The following MGAT4C variants were observed in gnomAD, a reference collection of about 807,000 sequenced individuals.
The protein encoded by MGAT4C is MGAT4 family member C.
A neutral mutation model predicts 40.1 loss-of-function variants in MGAT4C; 19 were observed. The ratio of observed to expected loss-of-function variants is 0.47; its 90% CI spans 0.33 to 0.70. The LOEUF (loss-of-function observed/expected upper bound fraction) is 0.70. Among genes scored for constraint, MGAT4C ranks in the 30% least tolerant of loss-of-function variants. MGAT4C has a pLI of 0.02. For synonymous variants in MGAT4C, 181 were observed against 187.1 expected, an observed-to-expected ratio of 0.97 and a Z score of 0.27; for missense variants, 491 against 563.2, an observed-to-expected ratio of 0.87 and a Z score of 1.30.
chr12:86,808,235 T>A (rs1449325678), intron 1 of MGAT4C, among the ~76,000 whole-genome samples: 1 of 152,074 alleles, frequency 6.6e-6, no homozygotes, highest in Non-Finnish European at 1.5e-5. Flanking sequence ...CTGAAACTAT[T>A]CCAAGCAATT....
chr12:86,754,929 T>C (rs1951276797), intron 1 of MGAT4C, among the ~76,000 whole-genome samples: 1 of 152,112 alleles, frequency 6.6e-6, no homozygotes, highest in South Asian at 2.1e-4. Flanking sequence ...CAGACTTTAG[T>C]TTTTAATTCA....
intron 2 of MGAT4C, among the ~76,000 whole-genome samples, chr12:86,714,460 C>T (rs975834696): frequency 1.1e-4 from 17 of 151,950 alleles, no homozygotes; most frequent in East Asian, 1.9e-4. Context: ...GGGAGGGACC[C>T]GGTGGGAGAT....
intron 3 of MGAT4C, among the ~76,000 whole-genome samples, chr12:86,405,294 C>T (rs189391061): frequency 2.9e-4 from 44 of 151,908 alleles, no homozygotes; most frequent in African/African-American, 1.0e-3. Context: ...TAAGTGAGTA[C>T]AGAACAGTCA....
intron 1 of MGAT4C, among the ~76,000 whole-genome samples, chr12:86,815,858 G>C (rs12821982): frequency 0.1 from 14,208 of 138,860 alleles, 940 homozygotes; most frequent in Non-Finnish European, 0.14. Context: ...GAAGAGTGGT[G>C]GGGGGGCAAG....
chr12:86,524,289 T>C (rs772218705), intron 2 of MGAT4C, among the ~76,000 whole-genome samples: 21 of 152,230 alleles, frequency 1.4e-4, no homozygotes, highest in Non-Finnish European at 2.4e-4. Context: ...GGTCTGGTGC[T>C]AACAAATGTC....
intron 1 of MGAT4C, among the ~76,000 whole-genome samples, chr12:86,810,501 T>A (rs1475761501): frequency 3.9e-5 from 6 of 151,964 alleles, no homozygotes; most frequent in Admixed American, 3.9e-4. Flanking sequence ...GTTGAGGTAA[T>A]TCCCTTGTAT....
intron 2 of MGAT4C, among the ~76,000 whole-genome samples, chr12:86,523,918 TTC>T (rs1033394508): frequency 2.6e-5 from 4 of 152,316 alleles, no homozygotes; most frequent in Non-Finnish European, 5.9e-5. Flanking sequence ...CCCTGCTTTC[TTC>T]TGTTTTCATT....
At chr12:86,144,275 A>T (rs776455777) in intron 1 of MGAT4C, among the ~76,000 whole-genome samples, 1 of 152,196 alleles carries the variant, frequency 6.6e-6, no homozygotes, top group Non-Finnish European at 1.5e-5. Context: ...ATGTTAATAA[A>T]TATTCTTTAT....
intron 4 of MGAT4C, among the ~76,000 whole-genome samples, chr12:86,267,997 C>T (rs1443510420): frequency 2.0e-5 from 3 of 152,088 alleles, no homozygotes; most frequent in Non-Finnish European, 2.9e-5. Context: ...AAACTCATAG[C>T]GACATCCCCA....
At chr12:86,099,089 AATT>A (rs1323622585) in intron 1 of MGAT4C, among the ~76,000 whole-genome samples, 1 of 151,328 alleles carries the variant, frequency 6.6e-6, no homozygotes, top group Admixed American at 6.6e-5. Flanking sequence ...AGAATTCTCT[AATT>A]ATTTTTAAAA....
At chr12:86,162,410 A>G (rs1046690789) in intron 1 of MGAT4C, among the ~76,000 whole-genome samples, 31 of 152,142 alleles carry the variant, frequency 2.0e-4, no homozygotes, top group African/African-American at 7.5e-4. Flanking sequence ...TCCAAATACC[A>G]CATATCCTTA....
At position 86,411,118 on chromosome 12, in the gene MGAT4C, T is replaced by C. The variant is rs376571850; in HGVS notation, c.-120+24039A>G. Among the ~76,000 whole-genome samples the C allele has an allele frequency of 1.8e-4, 28 of 152,288 alleles. No individual in the cohort carries two copies. The East Asian group carries it at 5.0e-3, about 27-fold the overall frequency. On this transcript the variant is annotated intron_variant, in intron 3 of 7. Coordinates refer to the MGAT4C transcript ENST00000548651. ...TAGTATCAAGTAGTTCCTTATATTA[T>C]GTTGGTGTAAAAATAGCAATGTGAG...
intron 4 of MGAT4C, among the ~76,000 whole-genome samples, chr12:86,301,115 TCCTCTTTAACTCATTCACG>T (rs1953799499): frequency 6.6e-6 from 1 of 152,196 alleles, no homozygotes; most frequent in South Asian, 2.1e-4. Flanking sequence ...AATGTGTTGG[TCCTCTTTAACTCATTCACG>T]CCCAGGGGCT....
chr12:86,563,831 A>C (rs1239811137), intron 2 of MGAT4C, among the ~76,000 whole-genome samples: 2 of 152,164 alleles, frequency 1.3e-5, no homozygotes, highest in Non-Finnish European at 2.9e-5. Flanking sequence ...GGTCTGACTT[A>C]CAGTGGGTCC....
intron 1 of MGAT4C, among the ~76,000 whole-genome samples, chr12:86,807,341 T>C (rs1472233660): frequency 6.6e-6 from 1 of 152,114 alleles, no homozygotes; most frequent in Admixed American, 6.6e-5. Context: ...GTGTTCTCAT[T>C]GTTTAGCTCC....
chr12:86,835,448 G>A (rs143366513), intron 1 of MGAT4C, among the ~76,000 whole-genome samples: 74 of 151,836 alleles, frequency 4.9e-4, no homozygotes, highest in Middle Eastern at 3.4e-3. Context: ...GGATTGGTAC[G>A]CTTGAACTAC....
intron 1 of MGAT4C, among the ~76,000 whole-genome samples, chr12:86,244,391 C>T (rs911294169): frequency 1.3e-5 from 2 of 152,160 alleles, no homozygotes; most frequent in African/African-American, 4.8e-5. Flanking sequence ...CTAAAAGTAG[C>T]TTTATCTCTC....
chr12:86,142,243 G>C (rs1882935264), intron 1 of MGAT4C, among the ~76,000 whole-genome samples: 1 of 152,180 alleles, frequency 6.6e-6, no homozygotes, highest in African/African-American at 2.4e-5. Context: ...TGTGAAGAGA[G>C]AAAGTGAGGC....
intron 1 of MGAT4C, among the ~76,000 whole-genome samples, chr12:86,764,193 G>A (rs907095324): frequency 3.3e-5 from 5 of 152,142 alleles, no homozygotes; most frequent in Non-Finnish European, 5.9e-5. Flanking sequence ...CTTAAAAAAC[G>A]GTGCACCAGG....
Sources: allele counts gnomAD v4.1 joint callset (sites outside exome capture counted in the v4.1 genomes callset), GRCh38; gene constraint gnomAD v4.1.1; transcripts MANE v1.5; gene names NCBI Gene and HGNC (gene_info 2026-07-23, HGNC 2026-07-21).